Variants in LAMA1 observed in about 807,000 individuals in gnomAD.
LAMA1 encodes the protein laminin subunit alpha-1.
LAMA1 carries 219 observed loss-of-function variants against 348.7 expected under a neutral mutation model. That is an observed-to-expected ratio of 0.63 (90% CI 0.56 to 0.70). The LOEUF (loss-of-function observed/expected upper bound fraction) is 0.70, where lower values mean the gene tolerates loss of function less well. Among genes scored for constraint, LAMA1 ranks in the 30% least tolerant of loss-of-function variants. The pLI, the probability that LAMA1 is intolerant of heterozygous loss-of-function variation, is 0.00. For synonymous variants in LAMA1, 1,487 were observed against 1,491.0 expected, an observed-to-expected ratio of 1.00 and a Z score of 0.06; for missense variants, 3,744 against 3,888.0, an observed-to-expected ratio of 0.96 and a Z score of 0.99.
At chr18:7,088,500 A>C (rs1434611893) in intron 1 of LAMA1, among the ~76,000 whole-genome samples, 1 of 152,010 alleles carries the variant, frequency 6.6e-6, no homozygotes, top group African/African-American at 2.4e-5. Flanking sequence ...TTTTGTTTTA[A>C]AAAATTATTT....
chr18:7,067,406 A>T (rs1009276428), intron 3 of LAMA1, among the ~76,000 whole-genome samples: 2 of 152,114 alleles, frequency 1.3e-5, no homozygotes, highest in African/African-American at 4.8e-5. Flanking sequence ...AGCCAGACAC[A>T]AAAAAGGACG....
intron 1 of LAMA1, among the ~76,000 whole-genome samples, chr18:7,107,773 G>A (rs113085947): frequency 0.093 from 14,222 of 152,112 alleles, 711 homozygotes; most frequent in East Asian, 0.2. Flanking sequence ...CCAGCACTTT[G>A]GGAGGCTGAG....
At chr18:7,053,591 C>T (rs550642204) in intron 3 of LAMA1, among the ~76,000 whole-genome samples, 7 of 152,016 alleles carry the variant, frequency 4.6e-5, no homozygotes, top group East Asian at 1.9e-4. Flanking sequence ...CTATTAGCAG[C>T]GGGAGGAAAC....
Position 6,973,116 on chromosome 18 carries a change from C to T in LAMA1, c.6715G>A (p.Val2239Ile), listed in dbSNP as rs1266591653. Residue 2239 changes from valine to isoleucine, a missense_variant, in exon 47 of 63, where the codon GTT becomes ATT. This residue lies in a region of LAMA1 where 1,983 missense variants were observed against 1,934.3 expected (regional missense o/e 1.03). Coordinates refer to ENST00000389658, the MANE Select transcript of LAMA1 (RefSeq NM_005559.4). ...AGTGTTGAATTGTTTACATCCAGAACATTAGCTGTCCCAGGGGATTTACTT... is the reference window on the plus strand; with the variant it reads ...AGTGTTGAATTGTTTACATCCAGAATATTAGCTGTCCCAGGGGATTTACTT... ...KTSKSPGTAN[V>I]LDVNNSTLMF... The T allele has an allele frequency of 1.2e-5, 20 of 1,614,160 alleles. No individual in the cohort carries two copies. Among genetic ancestry groups the T allele is most frequent in the Non-Finnish European group, 1.7e-5 (20 of 1,179,966 alleles).
chr18:6,964,802 T>C lies in LAMA1; in HGVS notation c.7197A>G (p.Gly2399=). The C allele has an allele frequency of 6.2e-7, 1 of 1,614,050 alleles. No homozygotes were observed. Among genetic ancestry groups the C allele is most frequent in the Non-Finnish European group, 8.5e-7 (1 of 1,180,008 alleles). The change falls in exon 51 of 63, where the codon GGA becomes GGG. Residue 2399 remains glycine, a splice_region_variant and synonymous_variant. Transcript: ENST00000389658. ...TATAGGCATCGATAACTGCTAGCAC[T>C]CCTAAAAGGAGAGCACAGGCAAGAG... is the stretch of plus-strand genomic sequence containing the variant. ...KIAFQRNRKQ[G]VLAVIDAYNT...
At chr18:6,961,220 G>C (rs2057605638) in intron 53 of LAMA1, among the ~76,000 whole-genome samples, 1 of 152,168 alleles carries the variant, frequency 6.6e-6, no homozygotes, top group Non-Finnish European at 1.5e-5. Context: ...TCATCCAGCA[G>C]TAGACTGAAG....
intron 3 of LAMA1, among the ~76,000 whole-genome samples, chr18:7,055,453 CA>C (rs57670126): frequency 0.29 from 18,185 of 62,064 alleles, 1,076 homozygotes; most frequent in African/African-American, 0.41. Context: ...AACTCCGTCT[CA>C]AAAAAAAAAA....
intron 36 of LAMA1, 73 bp downstream of exon 36, chr18:6,992,488 C>T: frequency 1.3e-6 from 2 of 1,524,046 alleles, no homozygotes; most frequent in Non-Finnish European, 1.8e-6. Flanking sequence ...ACGATGCCTC[C>T]TTCTCCTTTG....
At chr18:6,971,347 C>T (rs564226939) in intron 48 of LAMA1, among the ~76,000 whole-genome samples, 43 of 152,020 alleles carry the variant, frequency 2.8e-4, no homozygotes, top group African/African-American at 9.6e-4. Context: ...GAACTTGGTT[C>T]GGAATTGGAA....
At chr18:7,085,707 C>G (rs11081298) in intron 1 of LAMA1, among the ~76,000 whole-genome samples, 15 of 151,880 alleles carry the variant, frequency 9.9e-5, no homozygotes, top group African/African-American at 4.8e-5. Context: ...CGTGAGCCAC[C>G]GCTCCTGGCC....
chr18:6,997,991 A>G (rs1457694930), intron 32 of LAMA1, 107 bp from the exon 33 acceptor site: 3 of 962,946 alleles, frequency 3.1e-6, no homozygotes, highest in Non-Finnish European at 5.0e-6. Context: ...ACATGCGGTC[A>G]GAGTACACTC....
At chr18:7,022,617 T>C (rs567053167) in intron 19 of LAMA1, among the ~76,000 whole-genome samples, 1 of 152,358 alleles carries the variant, frequency 6.6e-6, no homozygotes, top group African/African-American at 2.4e-5. Flanking sequence ...GGCCAGGTCA[T>C]CTGCTGTGCA....
intron 1 of LAMA1, 95 bp downstream of exon 1, chr18:7,117,565 A>T: frequency 7.6e-7 from 1 of 1,318,172 alleles, no homozygotes; most frequent in Non-Finnish European, 1.0e-6. Context: ...GCGCGCCCGG[A>T]CTCCAGCAGC....
intron 41 of LAMA1, among the ~76,000 whole-genome samples, chr18:6,981,191 C>T (rs2057710462): frequency 6.6e-6 from 1 of 151,956 alleles, no homozygotes; most frequent in Non-Finnish European, 1.5e-5. Flanking sequence ...ACTAATATTT[C>T]TACTTAAATT....
chr18:6,948,994 G>A, intron 59 of LAMA1, 107 bp downstream of exon 59: 1 of 1,428,718 alleles, frequency 7.0e-7, no homozygotes, highest in Non-Finnish European at 9.7e-7. Context: ...CAAGCCCCAG[G>A]TTCAAACAAG....
rs759327949 is a variant in LAMA1, at chr18:6,980,533, C to T, written c.5995G>A (p.Ala1999Thr). 6.3e-7 allele frequency: 1 copy of T among 1,595,430 alleles called. No individual in the cohort carries two copies. Among genetic ancestry groups the T allele is most frequent in the Admixed American group, 1.7e-5 (1 of 59,994 alleles). Residue 1999 changes from alanine to threonine, a missense_variant, in exon 42 of 63, where the codon GCA becomes ACA. This residue lies in a region of LAMA1 where 1,983 missense variants were observed against 1,934.3 expected (regional missense o/e 1.03). Transcript: ENST00000389658. The part of the protein sequence containing the change: ...QTNESLLILR[A>T]IPKGIRDKGA... ...CCTTTCCACTTACCTTTAGGAATTG[C>T]TCTAAGTATCAAGAGTGATTCATTG...
At chr18:6,998,370 C>T (rs2144088063) in intron 32 of LAMA1, among the ~76,000 whole-genome samples, 1 of 152,278 alleles carries the variant, frequency 6.6e-6, no homozygotes, top group Admixed American at 6.5e-5. Context: ...AGAACGGATG[C>T]ACCTAAAGAC....
In LAMA1 at chr18:6,985,346, G is replaced by T; in HGVS notation, c.5551C>A (p.His1851Asn). Residue 1851 changes from histidine (H) to asparagine (N), a missense_variant, in exon 39 of 63, where the codon CAC becomes AAC. Physicochemically the swap from His to Asn is moderately conservative, Grantham distance 68. Around this residue, in one of 3 missense-constraint regions of LAMA1, gnomAD observed 1,983 missense variants for 1,934.3 expected, o/e 1.03. Transcript: ENST00000389658. ...LLLWSAKIRH[H>N]IDDLVMHMSQ... ...ATGTGCATGACCAGGTCATCTATGT[G>T]GTGCCTGATTTTGGCAGACCATAAA... 1 of 1,614,162 alleles carries T rather than the reference G, an allele frequency of 6.2e-7. No homozygotes were observed. The highest frequency in any genetic ancestry group is 1.1e-5 in the South Asian group (1 of 91,080).
intron 1 of LAMA1, among the ~76,000 whole-genome samples, chr18:7,098,752 G>A (rs1416712647): frequency 7.2e-5 from 10 of 138,484 alleles, no homozygotes; most frequent in African/African-American, 1.6e-4. Flanking sequence ...CAGCCACCCC[G>A]TCCAGGAGGT....
Sources: gnomAD v4.1 joint callset for allele counts (sites outside exome capture counted in the v4.1 genomes callset) on GRCh38, gnomAD v4.1.1 for gene constraint, gnomAD v4.1.1 regional missense constraint, MANE v1.5 for transcripts, NCBI Gene and HGNC (gene_info 2026-07-23, HGNC 2026-07-21) for gene names.